The following FHIP1A variants were observed in gnomAD, a reference collection of about 807,000 sequenced individuals.
The protein encoded by FHIP1A is FHF complex subunit HOOK interacting protein 1A.
In FHIP1A, 61 loss-of-function variants were observed where a neutral mutation model predicts 88.6. The observed-to-expected ratio is 0.69, with a 90% CI of 0.56 to 0.85. FHIP1A has a LOEUF of 0.85. FHIP1A is among the 40% of genes least tolerant of loss of function. The pLI is 0.00. For missense variants in FHIP1A, 1,154 were observed against 1,273.5 expected (o/e 0.91, Z 1.43); for synonymous variants, 478 against 496.0 (o/e 0.96, Z 0.48).
In FHIP1A at chr4:151,662,860, C is replaced by T. The variant is rs777049254; in HGVS notation, c.*106C>T. 55 of 1,099,634 alleles carry T rather than the reference C, an allele frequency of 5.0e-5. No individual in the cohort carries two copies. Among genetic ancestry groups the T allele is most frequent in the Non-Finnish European group, 6.6e-5 (53 of 808,298 alleles). 68.1% of individuals were successfully genotyped at this position (1,099,634 alleles called of 1,614,324 possible). On this transcript the variant is annotated 3_prime_UTR_variant, in exon 14 of 14. Transcript: ENST00000435205. ...ACAAAGATTTCTACTTTAATGTTTC[C>T]TGACAATACTTGATTTGTGGGGAGG...
At chr4:151,446,396 A>G in intron 1 of FHIP1A, among the ~76,000 whole-genome samples, 1 of 151,196 alleles carries the variant, frequency 6.6e-6, no homozygotes. Context: ...TGTGCCTTAT[A>G]TATTCTGGAT....
intron 5 of FHIP1A, among the ~76,000 whole-genome samples, chr4:151,580,447 T>G (rs1354231009): frequency 1.3e-5 from 2 of 152,234 alleles, no homozygotes; most frequent in East Asian, 3.8e-4. Context: ...GAGATACCAG[T>G]TAATACTTAT....
intron 1 of FHIP1A, among the ~76,000 whole-genome samples, chr4:151,445,535 C>G (rs1728567208): frequency 6.6e-6 from 1 of 151,790 alleles, no homozygotes; most frequent in Admixed American, 6.6e-5. Context: ...GACAACCAGC[C>G]CCTATCCTCC....
At chr4:151,455,859 T>C (rs1314851976) in intron 2 of FHIP1A, among the ~76,000 whole-genome samples, 12 of 152,244 alleles carry the variant, frequency 7.9e-5, no homozygotes, top group Admixed American at 7.8e-4. Context: ...AGAGCTACAT[T>C]AAACTCTGTG....
At chr4:151,566,057 C>T (rs1022712440) in intron 3 of FHIP1A, 81 bp from the exon 4 acceptor site, 3 of 401,156 alleles carry the variant, frequency 7.5e-6, no homozygotes, top group Admixed American at 4.3e-5. Context: ...AATGTCTAAG[C>T]TTTGATTTAA....
chr4:151,491,927 A>G (rs1280103804), intron 3 of FHIP1A, among the ~76,000 whole-genome samples: 1 of 152,192 alleles, frequency 6.6e-6, no homozygotes, highest in Non-Finnish European at 1.5e-5. Context: ...ATAATGATGA[A>G]AGAATTAGTC....
chr4:151,562,956 G>A (rs1481367232), intron 3 of FHIP1A, among the ~76,000 whole-genome samples: 5 of 152,008 alleles, frequency 3.3e-5, no homozygotes, highest in Non-Finnish European at 7.4e-5. Flanking sequence ...ATTCTGTAAG[G>A]TGGAAGCATA....
At chr4:151,492,481 A>C (rs1730318468) in intron 3 of FHIP1A, among the ~76,000 whole-genome samples, 1 of 151,930 alleles carries the variant, frequency 6.6e-6, no homozygotes, top group Non-Finnish European at 1.5e-5. Context: ...AGTCCCAGCT[A>C]CTTGGGATGT....
At chr4:151,633,515 A>G (rs1370667075) in intron 8 of FHIP1A, among the ~76,000 whole-genome samples, 1 of 152,000 alleles carries the variant, frequency 6.6e-6, no homozygotes, top group Non-Finnish European at 1.5e-5. Context: ...AGAAAACTAG[A>G]GGCCAGTATC....
At chr4:151,652,542 G>T (rs1474549993) in intron 11 of FHIP1A, among the ~76,000 whole-genome samples, 1 of 152,206 alleles carries the variant, frequency 6.6e-6, no homozygotes, top group Non-Finnish European at 1.5e-5. Flanking sequence ...CAGGTTCTAT[G>T]CTAGGAAATA....
intron 2 of FHIP1A, among the ~76,000 whole-genome samples, chr4:151,474,324 A>T (rs1014928198): frequency 6.6e-6 from 1 of 152,210 alleles, no homozygotes; most frequent in Non-Finnish European, 1.5e-5. Context: ...TTTGCTCATT[A>T]TGCTTTACAT....
intron 3 of FHIP1A, among the ~76,000 whole-genome samples, chr4:151,543,092 A>G (rs2126730677): frequency 6.6e-6 from 1 of 152,274 alleles, no homozygotes; most frequent in Middle Eastern, 3.4e-3. Context: ...TCCTATGTGA[A>G]TTTGTTTAGC....
chr4:151,443,081 G>C (rs1268848023), intron 1 of FHIP1A, among the ~76,000 whole-genome samples: 1 of 152,022 alleles, frequency 6.6e-6, no homozygotes, highest in Non-Finnish European at 1.5e-5. Flanking sequence ...GACCAGCCTA[G>C]ATAACATAGC....
chr4:151,650,415 A>C lies in FHIP1A; in HGVS notation c.2374A>C (p.Ser792Arg). 1 of 1,551,670 alleles carries C rather than the reference A, an allele frequency of 6.4e-7. No homozygotes were observed. The highest frequency in any genetic ancestry group is 8.7e-7 in the Non-Finnish European group (1 of 1,146,952). ...TAAGGAGGAAGAAGGGAAGGAAGAGAGTAAAGGAGAAAAGGAGAAGGAGGG... is the reference window on the plus strand; with the variant it reads ...TAAGGAGGAAGAAGGGAAGGAAGAGCGTAAAGGAGAAAAGGAGAAGGAGGG... ...LTKEEEGKEE[S>R]KGEKEKEGKK... Residue 792 changes from serine to arginine, a missense_variant, in exon 11 of 14, where the codon AGT (serine) becomes CGT (arginine). By Grantham distance (110) the Ser-to-Arg change is moderately radical. Coordinates refer to ENST00000435205, the MANE Select transcript of FHIP1A (RefSeq NM_001109977.3).
At chr4:151,615,526 G>A (rs1422079030) in intron 7 of FHIP1A, among the ~76,000 whole-genome samples, 1 of 152,216 alleles carries the variant, frequency 6.6e-6, no homozygotes, top group Non-Finnish European at 1.5e-5. Flanking sequence ...GGTAGTAATT[G>A]ATGATAATGG....
At chr4:151,634,721 C>A (rs974412463) in intron 8 of FHIP1A, among the ~76,000 whole-genome samples, 3 of 151,756 alleles carry the variant, frequency 2.0e-5, no homozygotes, top group Non-Finnish European at 4.4e-5. Flanking sequence ...TGAAGTTGAA[C>A]CCTTACTTTA....
At chr4:151,473,529 A>G (rs1181491234) in intron 2 of FHIP1A, among the ~76,000 whole-genome samples, 2 of 152,120 alleles carry the variant, frequency 1.3e-5, no homozygotes, top group African/African-American at 4.8e-5. Context: ...ATTTTATTAA[A>G]ATCTTGCAAC....
chr4:151,437,875 T>C (rs1728259994), intron 1 of FHIP1A, among the ~76,000 whole-genome samples: 3 of 152,350 alleles, frequency 2.0e-5, no homozygotes, highest in Middle Eastern at 3.4e-3. Context: ...AAATCTATGT[T>C]CAGTTGTGTA....
At chr4:151,438,185 C>T (rs1018451327) in intron 1 of FHIP1A, among the ~76,000 whole-genome samples, 2 of 152,058 alleles carry the variant, frequency 1.3e-5, no homozygotes, top group African/African-American at 2.4e-5. Flanking sequence ...CCTGGAGATC[C>T]GTGTTGCCTC....
Sources: gnomAD v4.1 joint callset for allele counts (sites outside exome capture counted in the v4.1 genomes callset) on GRCh38, gnomAD v4.1.1 for gene constraint, MANE v1.5 for transcripts, NCBI Gene and HGNC (gene_info 2026-07-23, HGNC 2026-07-21) for gene names.